The following VAT1L variants were observed in gnomAD, a reference collection of about 807,000 sequenced individuals.
VAT1L encodes vesicle amine transport 1 like.
Under a neutral mutation model 44.1 loss-of-function variants are expected in VAT1L, and 34 were observed. The ratio of observed to expected loss-of-function variants is 0.77; its 90% CI spans 0.59 to 1.03. The LOEUF (loss-of-function observed/expected upper bound fraction) is 1.03, where lower values mean the gene tolerates loss of function less well. VAT1L is among the 50% of genes least tolerant of loss of function. The pLI, the probability that VAT1L is intolerant of heterozygous loss-of-function variation, is 0.00. For synonymous variants in VAT1L, 253 were observed against 202.2 expected, an observed-to-expected ratio of 1.25 and a Z score of -2.13; for missense variants, 615 against 538.8, an observed-to-expected ratio of 1.14 and a Z score of -1.40.
chr16:77,881,192 G>A (rs2017150868), intron 6 of VAT1L, among the ~76,000 whole-genome samples: 1 of 152,224 alleles, frequency 6.6e-6, no homozygotes, highest in South Asian at 2.1e-4. Context: ...CTTTTCACAA[G>A]GGTTTATTTT....
intron 3 of VAT1L, among the ~76,000 whole-genome samples, chr16:77,846,520 G>C (rs2016759620): frequency 6.6e-6 from 1 of 152,142 alleles, no homozygotes; most frequent in South Asian, 2.1e-4. Flanking sequence ...CAGCCAGCCA[G>C]TCTCTATGCA....
intron 3 of VAT1L, among the ~76,000 whole-genome samples, chr16:77,859,717 A>G (rs368625471): frequency 1.8e-4 from 27 of 152,166 alleles, no homozygotes; most frequent in Non-Finnish European, 7.3e-5. Context: ...GGACAAAGAG[A>G]TAACACAGTT....
chr16:77,805,987 T>G (rs1002950209), intron 1 of VAT1L, among the ~76,000 whole-genome samples: 3 of 147,760 alleles, frequency 2.0e-5, no homozygotes, highest in Non-Finnish European at 1.5e-5. Context: ...CTCAGCCTCC[T>G]GAGCAGCTGG....
At chr16:77,881,249 G>C (rs2017151916) in intron 6 of VAT1L, among the ~76,000 whole-genome samples, 1 of 152,176 alleles carries the variant, frequency 6.6e-6, no homozygotes, top group Non-Finnish European at 1.5e-5. Context: ...AGCGTCAATT[G>C]ATCCACTCAT....
chr16:77,970,861 A>G (rs1029051650), intron 7 of VAT1L, among the ~76,000 whole-genome samples: 1 of 152,210 alleles, frequency 6.6e-6, no homozygotes, highest in African/African-American at 2.4e-5. Flanking sequence ...GAGTTCCTCA[A>G]AGGCAGGCAC....
chr16:77,937,714 G>T (rs924365218), intron 7 of VAT1L, among the ~76,000 whole-genome samples: 9 of 152,194 alleles, frequency 5.9e-5, no homozygotes, highest in African/African-American at 2.2e-4. Context: ...TTGCCAGGGG[G>T]CCCTTCCCAC....
At chr16:77,792,525 T>C (rs28420209) in intron 1 of VAT1L, among the ~76,000 whole-genome samples, 29,173 of 151,990 alleles carry the variant, frequency 0.19, 3,133 homozygotes, top group African/African-American at 0.28. Context: ...AGAGTCAGTC[T>C]CACCTTGAAG....
intron 3 of VAT1L, among the ~76,000 whole-genome samples, chr16:77,827,123 T>A (rs2016531545): frequency 6.6e-6 from 1 of 152,196 alleles, no homozygotes; most frequent in Non-Finnish European, 1.5e-5. Flanking sequence ...GCTGATACCT[T>A]TCGACCATGA....
chr16:77,788,833 G>A lies in VAT1L; in HGVS notation c.151G>A (p.Gly51Arg). Residue 51 changes from glycine (G) to arginine (R), a missense_variant, in exon 1 of 9, where the codon GGG becomes AGG. Transcript: ENST00000302536. ...EMRAVVLAGFGGLNKLRLFRK... is the reference protein window; with the variant it reads ...EMRAVVLAGFRGLNKLRLFRK... ...GCGCGCGGTGGTGCTGGCTGGCTTCGGGGGGCTCAACAAGCTGCGGCTCTT... is the reference window on the plus strand; with the variant it reads ...GCGCGCGGTGGTGCTGGCTGGCTTCAGGGGGCTCAACAAGCTGCGGCTCTT... 6.3e-7 allele frequency: 1 copy of A among 1,579,502 alleles called. No individual in the cohort carries two copies. The highest frequency in any genetic ancestry group is 8.6e-7 in the Non-Finnish European group (1 of 1,164,038).
intron 3 of VAT1L, among the ~76,000 whole-genome samples, chr16:77,855,970 T>G (rs1216731963): frequency 6.6e-6 from 1 of 152,068 alleles, no homozygotes; most frequent in African/African-American, 2.4e-5. Context: ...GTGAGCTGAT[T>G]GTGCCACTGC....
rs1288163237 is a variant in VAT1L at position 77,878,524 on chromosome 16, T to A, written c.827-645T>A. On this transcript the variant is annotated intron_variant, in intron 5 of 8. Coordinates refer to ENST00000302536, the MANE Select transcript of VAT1L (RefSeq NM_020927.3). ...CTCTCCGTATGAGAATCTTAGGGAA[T>A]CTTTCCCAACTCCACCTCCCATCTG... 3.3e-5 allele frequency among the ~76,000 whole-genome samples: 5 copies of A among 151,692 alleles called. No individual in the cohort carries two copies. The East Asian group carries it at 9.8e-4, about 30-fold the overall frequency.
chr16:77,892,028 C>T (rs10871342), intron 7 of VAT1L, among the ~76,000 whole-genome samples: 96,148 of 151,982 alleles, frequency 0.63, 32,227 homozygotes, highest in Middle Eastern at 0.78. Flanking sequence ...GCTGAGATCC[C>T]GCCACTGCAC....
intron 7 of VAT1L, among the ~76,000 whole-genome samples, chr16:77,959,305 C>G (rs190331857): frequency 1.3e-5 from 2 of 152,330 alleles, no homozygotes; most frequent in East Asian, 1.9e-4. Flanking sequence ...GGCTCACGCA[C>G]TTTAGACTCC....
At chr16:77,866,980 T>C (rs1350465683) in intron 4 of VAT1L, among the ~76,000 whole-genome samples, 1 of 152,088 alleles carries the variant, frequency 6.6e-6, no homozygotes, top group Non-Finnish European at 1.5e-5. Context: ...CGTGAGAGAA[T>C]CCACACAAGG....
At chr16:77,838,684 T>C (rs990400210) in intron 3 of VAT1L, among the ~76,000 whole-genome samples, 6 of 152,028 alleles carry the variant, frequency 3.9e-5, no homozygotes, top group African/African-American at 1.5e-4. Flanking sequence ...TCTGTTCCTT[T>C]GTCTTTCTGT....
chr16:77,806,513 T>A (rs142571775), intron 1 of VAT1L, among the ~76,000 whole-genome samples: 9,140 of 131,242 alleles, frequency 0.07, 574 homozygotes, highest in East Asian at 0.18. Context: ...CCGGCCAAGT[T>A]TTTTGTATTT....
chr16:77,830,545 T>G (rs2016568076), intron 3 of VAT1L, among the ~76,000 whole-genome samples: 1 of 152,180 alleles, frequency 6.6e-6, no homozygotes, highest in Non-Finnish European at 1.5e-5. Context: ...TCACAAGATC[T>G]GATGGTTTTA....
chr16:77,830,699 T>G (rs935696174), intron 3 of VAT1L, among the ~76,000 whole-genome samples: 8 of 152,158 alleles, frequency 5.3e-5, no homozygotes, highest in African/African-American at 1.7e-4. Flanking sequence ...TCTTTTTTGT[T>G]GTTGTTGAGA....
At chr16:77,851,931 A>T (rs1263647976) in intron 3 of VAT1L, among the ~76,000 whole-genome samples, 3 of 152,090 alleles carry the variant, frequency 2.0e-5, no homozygotes, top group African/African-American at 7.2e-5. Context: ...CTTCTTGTAC[A>T]TTTGAGGGGC....
Sources: gnomAD v4.1 joint callset for allele counts (sites outside exome capture counted in the v4.1 genomes callset) on GRCh38, gnomAD v4.1.1 for gene constraint, MANE v1.5 for transcripts, NCBI Gene and HGNC (gene_info 2026-07-23, HGNC 2026-07-21) for gene names.